The following BRINP1 variants were observed in gnomAD, a reference collection of about 807,000 sequenced individuals.
BRINP1 encodes the protein BMP/retinoic acid-inducible neural-specific protein 1.
A neutral mutation model predicts 72.9 loss-of-function variants in BRINP1; 17 were observed. The ratio of observed to expected loss-of-function variants is 0.23; its 90% CI spans 0.16 to 0.35. The LOEUF is 0.35. Among genes scored for constraint, BRINP1 ranks in the 10% least tolerant of loss-of-function variants. The probability of loss-of-function intolerance (pLI) is 1.00; values close to 1 mark genes in which losing one functional copy is unlikely to be tolerated. For synonymous variants in BRINP1, 418 were observed against 378.5 expected (o/e 1.10, Z -1.21); for missense variants, 850 against 1,001.6 (o/e 0.85, Z 2.04).
At chr9:119,294,348 T>G (rs1383257802) in intron 2 of BRINP1, among the ~76,000 whole-genome samples, 9 of 151,944 alleles carry the variant, frequency 5.9e-5, no homozygotes, top group African/African-American at 2.2e-4. Context: ...CTGGCCAATA[T>G]AGTGAAACCC....
At chr9:119,199,800 C>CTTTT (rs11375044) in intron 7 of BRINP1, among the ~76,000 whole-genome samples, 1 of 145,912 alleles carries the variant, frequency 6.9e-6, no homozygotes, top group Non-Finnish European at 1.5e-5. Flanking sequence ...TCTTGTTCTT[C>CTTTT]TTTTTTTTTT....
Position 119,214,167 on chromosome 9 carries a change from T to C in BRINP1, c.686-12A>G, listed in dbSNP as rs201477451. The C allele has an allele frequency of 1.3e-3, 2,124 of 1,586,330 alleles. 46 individuals are homozygous for C. The South Asian group carries it at 0.022, about 16-fold the overall frequency. ...GATTATCTGAAGACCTGTGTGAGAA[T>C]AGCAAGAAGGGAAAACAGAAAGGTT... On this transcript the variant is annotated splice_polypyrimidine_tract_variant and intron_variant, in intron 5 of 7. Coordinates refer to ENST00000265922, the MANE Select transcript of BRINP1 (RefSeq NM_014618.3).
intron 1 of BRINP1, among the ~76,000 whole-genome samples, chr9:119,366,495 C>G: frequency 6.9e-6 from 1 of 145,590 alleles, no homozygotes; most frequent in Admixed American, 7.2e-5. Flanking sequence ...CAGTCCTCCC[C>G]CCACCACCGT....
rs1159543690 is a variant in BRINP1, at chr9:119,324,729, A to G, written c.-50-11324T>C. ...GTTAATATGTGTAAATAATTTATAT[A>G]CATACATTCATAGGAAGGAATACTG... is the stretch of plus-strand genomic sequence containing the variant. On this transcript the variant is annotated intron_variant, in intron 1 of 7. Transcript: ENST00000265922. Among the ~76,000 whole-genome samples the G allele has an allele frequency of 2.0e-5, 3 of 152,216 alleles. No individual in the cohort carries two copies. The East Asian group carries it at 5.8e-4, about 29-fold the overall frequency.
At chr9:119,359,030 C>A (rs1342774204) in intron 1 of BRINP1, among the ~76,000 whole-genome samples, 1 of 152,058 alleles carries the variant, frequency 6.6e-6, no homozygotes, top group Admixed American at 6.5e-5. Context: ...TGAGCACATA[C>A]CTGAGAGTAT....
chr9:119,206,957 C>T (rs1297737068), intron 7 of BRINP1, among the ~76,000 whole-genome samples: 1 of 152,118 alleles, frequency 6.6e-6, no homozygotes, highest in Non-Finnish European at 1.5e-5. Flanking sequence ...TCTATTTGAT[C>T]CACAAAACAA....
chr9:119,167,003 GTTT>G lies in BRINP1; in HGVS notation c.*78_*80del. The G allele has an allele frequency of 2.8e-6, 4 of 1,418,516 alleles. No homozygotes were observed. Among genetic ancestry groups the G allele is most frequent in the Non-Finnish European group, 2.8e-6 (3 of 1,053,698 alleles). The allele number at this position is 1,418,516 out of a possible 1,614,324, so 87.9% of individuals were successfully genotyped here. ...AATTACATTTTACAAATTTTTGTGG[GTTT>G]TTTTGTTTTGTTTTGCTTCATTTTG... is the stretch of plus-strand genomic sequence containing the variant. On this transcript the variant is annotated 3_prime_UTR_variant, in exon 8 of 8. Coordinates refer to ENST00000265922, the MANE Select transcript of BRINP1 (RefSeq NM_014618.3). This position sits in a 1 kb window ranked among gnomAD's most constrained non-coding sequence, Gnocchi z 4.3.
At chr9:119,229,507 T>A (rs1238043808) in intron 5 of BRINP1, among the ~76,000 whole-genome samples, 1 of 152,066 alleles carries the variant, frequency 6.6e-6, no homozygotes, top group Non-Finnish European at 1.5e-5. Context: ...TTGAAACCAC[T>A]ATTCTACATT....
chr9:119,168,259 AC>A, intron 7 of BRINP1, 35 bp from the exon 8 acceptor site: 1 of 1,457,934 alleles, frequency 6.9e-7, no homozygotes, highest in Non-Finnish European at 9.1e-7. Context: ...AAGGTTAGCT[AC>A]CATGAGTGGG....
chr9:119,234,558 TTTC>T (rs1299325540), intron 5 of BRINP1, among the ~76,000 whole-genome samples: 2 of 152,190 alleles, frequency 1.3e-5, no homozygotes. Flanking sequence ...TTACAAATAT[TTTC>T]TTCCACTCTA....
At chr9:119,237,881 T>C (rs1377024991) in intron 5 of BRINP1, among the ~76,000 whole-genome samples, 7 of 142,568 alleles carry the variant, frequency 4.9e-5, no homozygotes, top group East Asian at 2.2e-4. Flanking sequence ...AGGCTGGACT[T>C]AAACTCCTGA....
intron 2 of BRINP1, among the ~76,000 whole-genome samples, chr9:119,303,586 G>A (rs1830963554): frequency 6.6e-6 from 1 of 152,122 alleles, no homozygotes; most frequent in Non-Finnish European, 1.5e-5. Context: ...TTGCCAGTAT[G>A]GTGGCACGTG....
intron 7 of BRINP1, among the ~76,000 whole-genome samples, chr9:119,193,286 C>T (rs1473506136): frequency 6.6e-6 from 1 of 151,562 alleles, no homozygotes; most frequent in Non-Finnish European, 1.5e-5. Flanking sequence ...GATAGATCTA[C>T]AAAACATTAT....
At chr9:119,347,675 A>G (rs1292492048) in intron 1 of BRINP1, among the ~76,000 whole-genome samples, 1 of 151,948 alleles carries the variant, frequency 6.6e-6, no homozygotes, top group Non-Finnish European at 1.5e-5. Context: ...TCTGCTTCCT[A>G]GTTTCCCTGC....
chr9:119,318,841 T>TGG (rs144791296), intron 1 of BRINP1, among the ~76,000 whole-genome samples: 32,442 of 114,630 alleles, frequency 0.28, 4,007 homozygotes, highest in Non-Finnish European at 0.34. Flanking sequence ...GAGAAATGTG[T>TGG]GGGGTGTGTG....
intron 5 of BRINP1, among the ~76,000 whole-genome samples, chr9:119,233,729 C>T (rs573185188): frequency 3.8e-4 from 58 of 152,210 alleles, no homozygotes; most frequent in Non-Finnish European, 6.9e-4. Context: ...CCATGTATTA[C>T]CAACCGGATT....
chr9:119,222,076 T>A (rs1830046609), intron 5 of BRINP1, among the ~76,000 whole-genome samples: 1 of 152,126 alleles, frequency 6.6e-6, no homozygotes, highest in African/African-American at 2.4e-5. Flanking sequence ...GTGCGAGTGA[T>A]GTGTGTCTTT....
intron 1 of BRINP1, among the ~76,000 whole-genome samples, chr9:119,341,505 T>G (rs753513061): frequency 5.4e-4 from 82 of 152,136 alleles, no homozygotes; most frequent in Non-Finnish European, 1.1e-3. Context: ...GACACTCTCC[T>G]GCAACACCCA....
intron 5 of BRINP1, among the ~76,000 whole-genome samples, chr9:119,225,306 T>A (rs929187436): frequency 6.6e-6 from 1 of 152,034 alleles, no homozygotes; most frequent in Non-Finnish European, 1.5e-5. Context: ...TATGATTCCA[T>A]TGATTTGAAA....
Sources: allele counts gnomAD v4.1 joint callset (sites outside exome capture counted in the v4.1 genomes callset), GRCh38; gene constraint gnomAD v4.1.1; non-coding constraint Gnocchi (gnomAD v3.1); transcripts MANE v1.5; gene names NCBI Gene and HGNC (gene_info 2026-07-23, HGNC 2026-07-21).